The following ZNF48 variants were observed in gnomAD, a reference collection of about 807,000 sequenced individuals.
The protein encoded by ZNF48 is zinc finger protein 48.
Under a neutral mutation model 40.0 loss-of-function variants are expected in ZNF48, and 20 were observed. That is an observed-to-expected ratio of 0.50 (90% confidence interval 0.35 to 0.73). The LOEUF (loss-of-function observed/expected upper bound fraction) is 0.73, where lower values mean the gene tolerates loss of function less well. ZNF48 is among the 30% of genes least tolerant of loss of function. The pLI, the probability that ZNF48 is intolerant of heterozygous loss-of-function variation, is 0.01. For synonymous variants in ZNF48, 298 were observed against 329.7 expected (o/e 0.90, Z 1.04); for missense variants, 726 against 851.9 (o/e 0.85, Z 1.84).
chr16:30,391,664 T>C (rs920912901), upstream of ZNF48, among the ~76,000 whole-genome samples: 2 of 151,302 alleles, frequency 1.3e-5, no homozygotes, highest in Non-Finnish European at 2.9e-5. Flanking sequence ...TCTGGCTAAT[T>C]TTTGTATTTT....
chr16:30,391,624 T>C (rs1019132660), upstream of ZNF48, among the ~76,000 whole-genome samples: 1 of 151,454 alleles, frequency 6.6e-6, no homozygotes, highest in African/African-American at 2.4e-5. Flanking sequence ...GCCTCCCGAG[T>C]AGCTGGGATT....
rs557567271 is a variant in ZNF48, at chr16:30,382,353, C to T, written c.-16+3943C>T. The stretch of plus-strand genomic sequence containing the variant: ...TGGTTGGGGAGGGCAGCAAAACCCA[C>T]GTACTCCTTGTCCTATGGATGGGGG... On this transcript the variant is annotated intron_variant, in intron 1 of 2. Coordinates refer to the ZNF48 transcript ENST00000528032. The surrounding 1 kb of genome is among the most constrained non-coding windows in gnomAD (Gnocchi z 4.8). 2.3e-5 allele frequency: 37 copies of T among 1,612,466 alleles called. No homozygotes were observed. In the African/African-American group the frequency reaches 3.2e-4, roughly 14 times the overall value.
At chr16:30,379,923 T>G in intron 1 of ZNF48, 2 of 1,462,944 alleles carry the variant, frequency 1.4e-6, no homozygotes, top group Non-Finnish European at 1.9e-6. Context: ...CCTTCTTTGT[T>G]TCCCACACCT....
At chr16:30,384,174 C>T (rs963769296) in intron 1 of ZNF48, among the ~76,000 whole-genome samples, 9 of 151,878 alleles carry the variant, frequency 5.9e-5, no homozygotes, top group South Asian at 2.1e-4. Flanking sequence ...GAGATTGCAC[C>T]GCTACACTCC....
rs770902855 is a variant in ZNF48 at position 30,397,867 on chromosome 16, A to G, written c.617A>G (p.Asp206Gly). The change falls in exon 3 of 3, where the codon GAC becomes GGC. Residue 206 changes from aspartate to glycine, a missense_variant. Coordinates refer to ENST00000613509, the MANE Select transcript of ZNF48 (RefSeq NM_001214909.2). The surrounding 1 kb of genome is among the most constrained non-coding windows in gnomAD (Gnocchi z 4.1). ...ECGKSFRQSS[D>G]LVKHQRTHTG... ...GGCAAGAGCTTCCGGCAGAGTTCTG[A>G]CCTGGTGAAACACCAGCGGACACAC... 6.2e-7 allele frequency: 1 copy of G among 1,613,892 alleles called. No individual in the cohort carries two copies. The highest frequency in any genetic ancestry group is 1.1e-5 in the South Asian group (1 of 91,082).
upstream of ZNF48, among the ~76,000 whole-genome samples, chr16:30,392,690 G>A (rs1226267709): frequency 6.6e-6 from 1 of 152,126 alleles, no homozygotes; most frequent in East Asian, 1.9e-4. Context: ...CTTCCCTAAA[G>A]TCAAGTAGCA....
At chr16:30,387,888 C>G (rs2151114277) in intron 1 of ZNF48, among the ~76,000 whole-genome samples, 1 of 152,108 alleles carries the variant, frequency 6.6e-6, no homozygotes, top group Non-Finnish European at 1.5e-5. Flanking sequence ...TGTATACACA[C>G]TGTTTATATT....
rs150571704 is a variant in ZNF48 at position 30,382,912 on chromosome 16, G to A, written c.-16+4502G>A. 257 of 868,262 alleles carry A rather than the reference G, an allele frequency of 3.0e-4. 1 individual carries two copies. The African/African-American group carries it at 3.4e-3, about 12-fold the overall frequency. The allele number at this position is 868,262 out of a possible 1,614,324, so 53.8% of individuals were successfully genotyped here. ...TCCCAGGACGGGCAAGGTGGCTCTC[G>A]CCTGTAATCTCAGCACTTTGGGAGG... On this transcript the variant is annotated intron_variant, in intron 1 of 2. Coordinates refer to the ZNF48 transcript ENST00000528032. This position sits in a 1 kb window ranked among gnomAD's most constrained non-coding sequence, Gnocchi z 4.8.
Position 30,398,638 on chromosome 16 carries a change from G to A in ZNF48, c.1388G>A (p.Ser463Asn), listed in dbSNP as rs201194934. ...GAGTGTGGCAAGGGCTTCCGCCGAA[G>A]CTCTGACCTGGTGAAACACCATCGT... ...CPECGKGFRR[S>N]SDLVKHHRVH... Residue 463 changes from serine (S) to asparagine (N), a missense_variant, in exon 3 of 3, where the codon AGC (serine) becomes AAC (asparagine). This residue lies in a region of ZNF48 where 378 missense variants were observed against 449.1 expected (regional missense o/e 0.84). Coordinates refer to ENST00000613509, the MANE Select transcript of ZNF48 (RefSeq NM_001214909.2). This position sits in a 1 kb window ranked among gnomAD's most constrained non-coding sequence, Gnocchi z 6.6. 2 of 1,613,504 alleles carry A rather than the reference G, an allele frequency of 1.2e-6. No individual in the cohort carries two copies. Among genetic ancestry groups the A allele is most frequent in the East Asian group, 2.2e-5 (1 of 44,850 alleles).
At chr16:30,385,083 G>A (rs1436603041) in intron 1 of ZNF48, among the ~76,000 whole-genome samples, 1 of 151,816 alleles carries the variant, frequency 6.6e-6, no homozygotes. Context: ...GCTGAAGCAG[G>A]AGAATCACTT....
At chr16:30,395,000 T>C, upstream of ZNF48, 1 of 93,520 alleles carries the variant, frequency 1.1e-5, no homozygotes, top group South Asian at 2.8e-4. Flanking sequence ...CCAGCCCCGC[T>C]TTGTTTCCCA....
At chr16:30,385,603 G>A (rs948931038) in intron 1 of ZNF48, among the ~76,000 whole-genome samples, 3 of 151,784 alleles carry the variant, frequency 2.0e-5, no homozygotes, top group African/African-American at 7.3e-5. Context: ...CCAGCCTGGC[G>A]ACAGAGCAAG....
chr16:30,385,990 C>T (rs1329582352), intron 1 of ZNF48, among the ~76,000 whole-genome samples: 1 of 151,734 alleles, frequency 6.6e-6, no homozygotes, highest in Non-Finnish European at 1.5e-5. Context: ...AAGAGGATAA[C>T]ATGTAGGCCA....
chr16:30,385,007 ACT>A (rs2049889261), intron 1 of ZNF48, among the ~76,000 whole-genome samples: 1 of 151,158 alleles, frequency 6.6e-6, no homozygotes, highest in South Asian at 2.1e-4. Flanking sequence ...AGAAACCCTG[ACT>A]CTACTAAAAA....
chr16:30,397,332 C>G lies in ZNF48; in HGVS notation c.82C>G (p.Leu28Val), dbSNP rs770332739. 1.9e-6 allele frequency: 3 copies of G among 1,610,248 alleles called. No homozygotes were observed. In the African/African-American group the frequency reaches 4.0e-5, roughly 22 times the overall value. Residue 28 changes from leucine (L) to valine (V), a missense_variant and splice_region_variant, in exon 3 of 3, where the codon CTA becomes GTA. Transcript: ENST00000613509. The surrounding 1 kb of genome is among the most constrained non-coding windows in gnomAD (Gnocchi z 4.1). ...REPQRGARTG[L>V]GSENVISQPN... ...ACAACTTCCTTTTCTTTCCTCAGGT[C>G]TAGGGAGTGAGAACGTGATTTCTCA...
upstream of ZNF48, among the ~76,000 whole-genome samples, chr16:30,390,625 T>G (rs1379520107): frequency 0.011 from 833 of 78,508 alleles, 52 homozygotes; most frequent in African/African-American, 0.026. Context: ...TTTTTTTTTT[T>G]TTTTTTTTTT....
chr16:30,395,834 C>A lies in ZNF48; in HGVS notation c.40C>A (p.Arg14Ser). ...AGAGCCTTGGGGCCCAGATCTCCAC[C>A]GCCCGGAGGAGAGGGAGCCACAGAG... ...AVEPWGPDLH[R>S]PEEREPQRGA... Residue 14 changes from arginine to serine, a missense_variant, in exon 2 of 3, where the codon CGC (arginine) becomes AGC (serine). By Grantham distance (110) the Arg-to-Ser change is moderately radical (BLOSUM62 -1). Transcript: ENST00000613509. The surrounding 1 kb of genome is among the most constrained non-coding windows in gnomAD (Gnocchi z 5.9). The A allele has an allele frequency of 6.5e-7, 1 of 1,549,754 alleles. No individual in the cohort carries two copies. Among genetic ancestry groups the A allele is most frequent in the Non-Finnish European group, 8.7e-7 (1 of 1,152,314 alleles).
At chr16:30,378,919 T>C (rs2049796494) in intron 1 of ZNF48, 2 of 1,213,356 alleles carry the variant, frequency 1.6e-6, no homozygotes, top group Admixed American at 2.0e-5. Context: ...GTCTGAGTGG[T>C]GAAGGCGGAG....
intron 1 of ZNF48, chr16:30,378,809 G>T: frequency 9.0e-7 from 1 of 1,115,426 alleles, no homozygotes; most frequent in Non-Finnish European, 1.3e-6. Flanking sequence ...GGCGGAGCCA[G>T]TTCCTTGAGG....
Sources: gnomAD v4.1 joint callset for allele counts (sites outside exome capture counted in the v4.1 genomes callset) on GRCh38, gnomAD v4.1.1 for gene constraint, gnomAD v4.1.1 regional missense constraint, Gnocchi (gnomAD v3.1) non-coding constraint, MANE v1.5 for transcripts, NCBI Gene and HGNC (gene_info 2026-07-23, HGNC 2026-07-21) for gene names.